Variants in GIGYF2 observed in about 807,000 individuals in gnomAD.
The protein encoded by GIGYF2 is GRB10 interacting GYF protein 2.
Under a neutral mutation model 208.1 loss-of-function variants are expected in GIGYF2, and 25 were observed. The ratio of observed to expected loss-of-function variants is 0.12; its 90% CI spans 0.09 to 0.17. GIGYF2 has a LOEUF of 0.17. GIGYF2 is among the 10% of genes least tolerant of loss of function. The pLI, the probability that GIGYF2 is intolerant of heterozygous loss-of-function variation, is 1.00. For missense variants in GIGYF2, 1,302 were observed against 1,579.4 expected, an observed-to-expected ratio of 0.82 and a Z score of 2.98; for synonymous variants, 534 against 543.8, an observed-to-expected ratio of 0.98 and a Z score of 0.25.
At chr2:232,756,197 C>CTT (rs759525243) in intron 5 of GIGYF2, 26 bp from the exon 6 acceptor site, 22,785 of 699,208 alleles carry the variant, frequency 0.033, 46 homozygotes, top group South Asian at 0.06. Flanking sequence ...TCCTTTTTCT[C>CTT]TTTTTTTTTT....
chr2:232,723,292 AATATTTTT>A (rs1470782361), intron 2 of GIGYF2, among the ~76,000 whole-genome samples: 1 of 152,148 alleles, frequency 6.6e-6, no homozygotes, highest in Non-Finnish European at 1.5e-5. Context: ...TCATTTACAT[AATATTTTT>A]ATTGAATTAT....
chr2:232,839,621 A>G (rs1184524904), intron 22 of GIGYF2, among the ~76,000 whole-genome samples: 1 of 152,240 alleles, frequency 6.6e-6, no homozygotes, highest in Non-Finnish European at 1.5e-5. Flanking sequence ...GTGTATGTGT[A>G]TTATAAGTTG....
At chr2:232,715,519 A>G (rs919326775) in intron 2 of GIGYF2, among the ~76,000 whole-genome samples, 3 of 152,056 alleles carry the variant, frequency 2.0e-5, no homozygotes, top group Non-Finnish European at 4.4e-5. Context: ...GCAAGGTTTC[A>G]TGTATAGTGT....
intron 5 of GIGYF2, among the ~76,000 whole-genome samples, chr2:232,754,583 G>A (rs1220887413): frequency 6.6e-6 from 1 of 152,126 alleles, no homozygotes; most frequent in Non-Finnish European, 1.5e-5. Context: ...TAATAATGCA[G>A]TTAGCTCTGA....
At chr2:232,802,356 T>C in intron 14 of GIGYF2, among the ~76,000 whole-genome samples, 1 of 152,170 alleles carries the variant, frequency 6.6e-6, no homozygotes, top group East Asian at 1.9e-4. Flanking sequence ...AGCTTTCAGT[T>C]TTTCACTATT....
chr2:232,767,952 T>C (rs954108823), intron 8 of GIGYF2: 1 of 517,892 alleles, frequency 1.9e-6, no homozygotes, highest in African/African-American at 1.9e-5. Context: ...CATTTCTGTA[T>C]AAGTGTCTGT....
intron 1 of GIGYF2, among the ~76,000 whole-genome samples, chr2:232,701,825 CTG>C (rs991360732): frequency 2.6e-5 from 4 of 151,936 alleles, no homozygotes; most frequent in African/African-American, 9.7e-5. Flanking sequence ...ACCCACTGAA[CTG>C]TGTAATTTTT....
chr2:232,705,132 T>TA (rs1398612405), intron 2 of GIGYF2, among the ~76,000 whole-genome samples: 2 of 152,054 alleles, frequency 1.3e-5, no homozygotes, highest in Non-Finnish European at 2.9e-5. Context: ...GTGCTGGGAT[T>TA]ACAGGCGTGA....
chr2:232,814,387 C>T (rs1013091225), intron 18 of GIGYF2, among the ~76,000 whole-genome samples: 7 of 151,498 alleles, frequency 4.6e-5, no homozygotes, highest in Admixed American at 4.6e-4. Context: ...ATGGTGAAAC[C>T]CCATCTCTAC....
chr2:232,751,587 T>C (rs1698338997), intron 5 of GIGYF2, among the ~76,000 whole-genome samples: 1 of 152,196 alleles, frequency 6.6e-6, no homozygotes, highest in African/African-American at 2.4e-5. Context: ...TTGTGATTAT[T>C]CTTTTAATTT....
chr2:232,733,902 G>A (rs571454546), intron 2 of GIGYF2, among the ~76,000 whole-genome samples: 11 of 152,180 alleles, frequency 7.2e-5, no homozygotes, highest in Admixed American at 2.0e-4. Flanking sequence ...TTTTCCATCC[G>A]AGGTTGGTTG....
chr2:232,701,745 C>T (rs765687765), intron 1 of GIGYF2, among the ~76,000 whole-genome samples: 8 of 151,956 alleles, frequency 5.3e-5, no homozygotes, highest in Non-Finnish European at 1.2e-4. Context: ...TTGAGAAAGT[C>T]ACATCCACTT....
In GIGYF2 at chr2:232,792,136, A is replaced by T. The variant is rs182844030; in HGVS notation, c.1282+690A>T. On this transcript the variant is annotated intron_variant, in intron 12 of 28. Transcript: ENST00000373563. ...GTGCAGTTTCATTGCCAGCCTCTTT[A>T]CTTCCCTCACGTTCTACTTACCAGC... is the stretch of plus-strand genomic sequence containing the variant. 5.8e-4 allele frequency among the ~76,000 whole-genome samples: 88 copies of T among 152,070 alleles called. 1 individual carries two copies. The highest frequency in any genetic ancestry group is 1.7e-3 in the African/African-American group (71 of 41,494).
intron 14 of GIGYF2, among the ~76,000 whole-genome samples, chr2:232,799,511 C>T (rs1485352833): frequency 1.3e-5 from 2 of 151,752 alleles, no homozygotes; most frequent in Non-Finnish European, 2.9e-5. Flanking sequence ...GATAGCACCA[C>T]TGCACTCCAG....
chr2:232,710,935 A>C (rs1355762004), intron 2 of GIGYF2, among the ~76,000 whole-genome samples: 1 of 151,684 alleles, frequency 6.6e-6, no homozygotes, highest in Non-Finnish European at 1.5e-5. Context: ...TCCTGACCTC[A>C]GGTGATCCAC....
chr2:232,834,280 G>A (rs750774527), intron 22 of GIGYF2, among the ~76,000 whole-genome samples: 8 of 152,136 alleles, frequency 5.3e-5, no homozygotes, highest in Non-Finnish European at 1.2e-4. Flanking sequence ...GTGGCATGGA[G>A]TCAGTCATTC....
intron 2 of GIGYF2, among the ~76,000 whole-genome samples, chr2:232,730,967 G>C (rs1488523983): frequency 6.8e-6 from 1 of 147,570 alleles, no homozygotes; most frequent in African/African-American, 2.5e-5. Flanking sequence ...AAACCATGTT[G>C]TAAATGGTAG....
intron 2 of GIGYF2, chr2:232,724,578 T>C: frequency 6.6e-6 from 1 of 150,838 alleles, no homozygotes; most frequent in Non-Finnish European, 1.5e-5. Context: ...TTTTAGAGAC[T>C]GTCTCGCTCT....
chr2:232,809,317 T>C (rs1700659426), intron 15 of GIGYF2, among the ~76,000 whole-genome samples: 4 of 152,238 alleles, frequency 2.6e-5, no homozygotes, highest in Admixed American at 6.5e-5. Flanking sequence ...TAAAATTCTG[T>C]AACATTTCCT....
Sources: allele counts gnomAD v4.1 joint callset (sites outside exome capture counted in the v4.1 genomes callset), GRCh38; gene constraint gnomAD v4.1.1; transcripts MANE v1.5; gene names NCBI Gene and HGNC (gene_info 2026-07-23, HGNC 2026-07-21).